The following VPS13B variants were observed in gnomAD, a reference collection of about 807,000 sequenced individuals.
VPS13B encodes vacuolar protein sorting 13 homolog B.
In VPS13B, 285 loss-of-function variants were observed where a neutral mutation model predicts 426.4. The ratio of observed to expected loss-of-function variants is 0.67; its 90% CI spans 0.61 to 0.74. The LOEUF (loss-of-function observed/expected upper bound fraction) is 0.74. Ranked by LOEUF, VPS13B falls within the 30% of genes least tolerant of loss-of-function variation. The pLI is 0.00. For synonymous variants in VPS13B, 1,676 were observed against 1,676.4 expected, an observed-to-expected ratio of 1.00 and a Z score of 0.01; for missense variants, 4,537 against 4,782.6, an observed-to-expected ratio of 0.95 and a Z score of 1.51.
At chr8:99,546,748 T>A (rs1049025180) in intron 30 of VPS13B, among the ~76,000 whole-genome samples, 5 of 151,938 alleles carry the variant, frequency 3.3e-5, no homozygotes, top group Non-Finnish European at 5.9e-5. Context: ...AAGAATGTAA[T>A]TAAAGAGAAA....
At chr8:99,262,769 C>CTGT (rs373225716) in intron 17 of VPS13B, among the ~76,000 whole-genome samples, 4,074 of 149,988 alleles carry the variant, frequency 0.027, 131 homozygotes, top group African/African-American at 0.077. Flanking sequence ...TTTGGATGGT[C>CTGT]TGTTGTTGTT....
At chr8:99,870,924 A>G (rs1817374555) in intron 60 of VPS13B, 37 bp downstream of exon 60, 1 of 1,596,344 alleles carries the variant, frequency 6.3e-7, no homozygotes, top group East Asian at 2.2e-5. Context: ...CTTTACATCC[A>G]TATTGTATGT....
intron 51 of VPS13B, among the ~76,000 whole-genome samples, 177 bp from the exon 52 acceptor site, chr8:99,832,192 G>T (rs1304670895): frequency 6.6e-6 from 1 of 151,246 alleles, no homozygotes; most frequent in Non-Finnish European, 1.5e-5. Flanking sequence ...AACCCAGGAG[G>T]CAGAGGCTGC....
At chr8:99,452,874 T>C (rs1013721247) in intron 23 of VPS13B, among the ~76,000 whole-genome samples, 2 of 152,176 alleles carry the variant, frequency 1.3e-5, no homozygotes, top group African/African-American at 4.8e-5. Context: ...TGGGTCAAAA[T>C]CAACATCTTG....
rs1814518745 is a variant in VPS13B at position 99,823,890 on chromosome 8, A to G, written c.9242A>G (p.Glu3081Gly). 1 of 1,613,478 alleles carries G rather than the reference A, an allele frequency of 6.2e-7. No individual in the cohort carries two copies. The highest frequency in any genetic ancestry group is 8.5e-7 in the Non-Finnish European group (1 of 1,179,624). Reference sequence around the variant, plus strand: ...CAAGGTATACAAATTATTCAGATTGAAGACAAGACTACAATAATCAATAAT... The same window carrying G: ...CAAGGTATACAAATTATTCAGATTGGAGACAAGACTACAATAATCAATAAT... Reference protein sequence around the residue: ...VQQGIQIIQIEDKTTIINNTP... With the variant: ...VQQGIQIIQIGDKTTIINNTP... Residue 3081 changes from glutamate to glycine, a missense_variant, in exon 51 of 62, where the codon GAA becomes GGA. Transcript: ENST00000357162.
In VPS13B at chr8:99,835,887, A is replaced by G. The variant is rs1588765611; in HGVS notation, c.9942+149A>G. On this transcript the variant is annotated intron_variant, in intron 54 of 61. Coordinates refer to ENST00000357162, the MANE Select transcript of VPS13B (RefSeq NM_152564.5). ...CATGTGTATCCATTTTTACGTCCTCATTAAGTTATAAATTCTCAAACTCAA... is the reference window on the plus strand; with the variant it reads ...CATGTGTATCCATTTTTACGTCCTCGTTAAGTTATAAATTCTCAAACTCAA... 27 of 811,238 alleles carry G rather than the reference A, an allele frequency of 3.3e-5. No homozygotes were observed. The East Asian group carries it at 7.0e-4, about 21-fold the overall frequency. The allele number at this position is 811,238 out of a possible 1,614,324, so 50.3% of individuals were successfully genotyped here. A position where few individuals can be genotyped will look rare whatever the true frequency, so the allele number is the denominator to read the frequency against.
chr8:99,830,416 A>G (rs1308143524), intron 51 of VPS13B, among the ~76,000 whole-genome samples: 2 of 152,102 alleles, frequency 1.3e-5, no homozygotes, highest in Non-Finnish European at 2.9e-5. Context: ...GAAACCACCT[A>G]CTCAAACCTC....
intron 20 of VPS13B, among the ~76,000 whole-genome samples, chr8:99,385,114 A>G (rs1338222863): frequency 6.6e-6 from 1 of 152,234 alleles, no homozygotes; most frequent in Non-Finnish European, 1.5e-5. Context: ...AAAGGTATAA[A>G]TTAGAAAGTA....
At chr8:99,295,995 TC>T (rs1402153978) in intron 19 of VPS13B, among the ~76,000 whole-genome samples, 1 of 152,118 alleles carries the variant, frequency 6.6e-6, no homozygotes, top group Non-Finnish European at 1.5e-5. Context: ...TTTGCATCAC[TC>T]CACTCCATCC....
intron 35 of VPS13B, 118 bp from the exon 36 acceptor site, chr8:99,699,407 C>T: frequency 9.1e-7 from 1 of 1,094,938 alleles, no homozygotes; most frequent in East Asian, 2.6e-5. Context: ...TTCAGGCATC[C>T]TAATGAGTCC....
rs760792770 is a variant in VPS13B, at chr8:99,384,263, A to G, written c.2880A>G (p.Leu960=). ...TAGCAGTTAATATTGACCCAATCTTATATACGTGGCTCATCTATCAGCCTC... is the reference window on the plus strand; with the variant it reads ...TAGCAGTTAATATTGACCCAATCTTGTATACGTGGCTCATCTATCAGCCTC... ...QGLAVNIDPI[L]YTWLIYQPQK... Residue 960 remains leucine (L), a synonymous_variant, in exon 20 of 62, where the codon TTA becomes TTG. Coordinates refer to ENST00000357162, the MANE Select transcript of VPS13B (RefSeq NM_152564.5). 7 of 1,613,904 alleles carry G rather than the reference A, an allele frequency of 4.3e-6. No homozygotes were observed. The highest frequency in any genetic ancestry group is 5.9e-6 in the Non-Finnish European group (7 of 1,179,974).
intron 30 of VPS13B, among the ~76,000 whole-genome samples, chr8:99,535,055 C>T (rs1823126988): frequency 6.6e-6 from 1 of 152,044 alleles, no homozygotes; most frequent in Admixed American, 6.5e-5. Context: ...TTTCAGCCAG[C>T]CCCCTCATAT....
At chr8:99,632,613 G>A (rs1430520226) in intron 33 of VPS13B, among the ~76,000 whole-genome samples, 1 of 151,968 alleles carries the variant, frequency 6.6e-6, no homozygotes, top group Non-Finnish European at 1.5e-5. Context: ...TTGGTGTAGT[G>A]ATTATTTTTA....
At chr8:99,117,981 G>A (rs1847757504) in intron 7 of VPS13B, among the ~76,000 whole-genome samples, 1 of 151,864 alleles carries the variant, frequency 6.6e-6, no homozygotes, top group Non-Finnish European at 1.5e-5. Flanking sequence ...ATAAAGCATA[G>A]AGAACAACAT....
chr8:99,296,176 G>C (rs979965459), intron 19 of VPS13B, among the ~76,000 whole-genome samples: 3 of 152,146 alleles, frequency 2.0e-5, no homozygotes, highest in Admixed American at 6.6e-5. Context: ...TTCTAAAAAT[G>C]AGTTTGGAGT....
At chr8:99,185,718 G>A (rs1400046434) in intron 16 of VPS13B, among the ~76,000 whole-genome samples, 1 of 152,068 alleles carries the variant, frequency 6.6e-6, no homozygotes, top group Non-Finnish European at 1.5e-5. Context: ...AAAATTTAAT[G>A]GTATCGCTAT....
At chr8:99,629,934 C>G (rs1828772056) in intron 33 of VPS13B, among the ~76,000 whole-genome samples, 1 of 152,304 alleles carries the variant, frequency 6.6e-6, no homozygotes, top group South Asian at 2.1e-4. Context: ...TAATTTTTCT[C>G]AAACATCCTT....
intron 12 of VPS13B, 75 bp downstream of exon 12, chr8:99,136,827 C>G: frequency 7.1e-7 from 1 of 1,410,370 alleles, no homozygotes; most frequent in Admixed American, 1.7e-5. Context: ...TCAATTGGTC[C>G]TTGACTGGTT....
intron 42 of VPS13B, among the ~76,000 whole-genome samples, chr8:99,783,412 T>C (rs987705350): frequency 6.6e-6 from 1 of 152,224 alleles, no homozygotes; most frequent in African/African-American, 2.4e-5. Flanking sequence ...AAGTTAATCA[T>C]TTATTTAGCA....
Sources: allele counts gnomAD v4.1 joint callset (sites outside exome capture counted in the v4.1 genomes callset), GRCh38; gene constraint gnomAD v4.1.1; transcripts MANE v1.5; gene names NCBI Gene and HGNC (gene_info 2026-07-23, HGNC 2026-07-21).